Variants in UTS2R observed in about 807,000 individuals in gnomAD.
UTS2R encodes the protein urotensin-2 receptor.
For missense variants in UTS2R, 653 were observed against 562.2 expected, an observed-to-expected ratio of 1.16 and a Z score of -1.63; for synonymous variants, 335 against 280.9, an observed-to-expected ratio of 1.19 and a Z score of -1.93.
rs563073421 is a variant in UTS2R at position 82,377,164 on chromosome 17, C to T, written c.*1670C>T. Among the ~76,000 whole-genome samples, 2,195 of 152,044 alleles carry T rather than the reference C, an allele frequency of 0.014. 50 individuals carry two copies. Among genetic ancestry groups the T allele is most frequent in the African/African-American group, 0.05 (2,076 of 41,388 alleles). On this transcript the variant is annotated 3_prime_UTR_variant, in exon 3 of 3. Transcript: ENST00000313135. ...GGGATCCTGTTGATCTATGACCTTA[C>T]CCCCAACCCTGTGCTCTCTGAAACA...
In UTS2R at chr17:82,374,444, C is replaced by A. The variant is rs377274020; in HGVS notation, c.120C>A (p.Thr40=). ...TCAACAGCTCCTGGGCCAGCCCGAC[C>A]GAGCCCAGCTCCCTGGAGGACCTGG... ...ATLNSSWASP[T]EPSSLEDLVA... is the part of the protein sequence containing the mutation. Residue 40 remains threonine (T), a synonymous_variant, in exon 3 of 3, where the codon ACC becomes ACA. Coordinates refer to ENST00000313135, the MANE Select transcript of UTS2R (RefSeq NM_018949.3). The A allele has an allele frequency of 1.1e-5, 18 of 1,599,454 alleles. No individual in the cohort carries two copies. The highest frequency in any genetic ancestry group is 2.3e-5 in the East Asian group (1 of 44,432).
chr17:82,375,065 G>A lies in UTS2R; in HGVS notation c.741G>A (p.Lys247=), dbSNP rs2052482238. 2.1e-6 allele frequency: 3 copies of A among 1,406,336 alleles called. No homozygotes were observed. The highest frequency in any genetic ancestry group is 2.8e-6 in the Non-Finnish European group (3 of 1,088,762). 87.1% of individuals were successfully genotyped at this position (1,406,336 alleles called of 1,614,324 possible). A position where few individuals can be genotyped will look rare whatever the true frequency, so the allele number is the denominator to read the frequency against. Residue 247 remains lysine (K), a synonymous_variant, in exon 3 of 3, where the codon AAG becomes AAA. Transcript: ENST00000313135. The part of the protein sequence containing the change: ...AYRRSQRASF[K]RARRPGARAL... ...GCCGCTCGCAGCGCGCCTCCTTCAA[G>A]CGGGCCCGGCGGCCGGGGGCGCGCG...
At position 82,375,532 on chromosome 17, in the gene UTS2R, G is replaced by T; in HGVS notation, c.*38G>T. 1 of 825,498 alleles carries T rather than the reference G, an allele frequency of 1.2e-6. No individual in the cohort carries two copies. 51.1% of individuals were successfully genotyped at this position (825,498 alleles called of 1,614,324 possible). ...GCGGCTGGAGTCCAGGCGGGGACGC[G>T]CCCCAAAGCCCCAGCCACTCCCGGG... On this transcript the variant is annotated 3_prime_UTR_variant, in exon 3 of 3. Transcript: ENST00000313135.
Position 82,375,444 on chromosome 17 carries a change from CCAGCGGCCCCG to C in UTS2R, c.1121_1131del (p.Pro374ArgfsTer65), listed in dbSNP as rs1221547349. The stretch of plus-strand genomic sequence containing the variant: ...GCCCACTGACAGCCTCGTGCTGGCC[CCAGCGGCCCCG>C]GCCCGACCTGCGCCCGAGGGTCCCA... On this transcript the variant is annotated frameshift_variant, in exon 3 of 3. Transcript: ENST00000313135. LOFTEE classifies it low-confidence loss of function (END_TRUNC). 4.3e-5 allele frequency: 66 copies of C among 1,552,534 alleles called. No individual in the cohort carries two copies. The highest frequency in any genetic ancestry group is 5.6e-5 in the Non-Finnish European group (65 of 1,158,000).
rs982061716 is a variant in UTS2R, at chr17:82,376,407, C to T, written c.*913C>T. 6.8e-6 allele frequency among the ~76,000 whole-genome samples: 1 copy of T among 146,176 alleles called. No individual in the cohort carries two copies. The highest frequency in any genetic ancestry group is 1.5e-5 in the Non-Finnish European group (1 of 66,318). The stretch of plus-strand genomic sequence containing the variant: ...CAGCCCGGCCCCGGACCCTGCATGG[C>T]CTCCCCCAGCCTGGCCTCCCCTCCC... On this transcript the variant is annotated 3_prime_UTR_variant, in exon 3 of 3. Transcript: ENST00000313135.
chr17:82,374,453 C>G lies in UTS2R; in HGVS notation c.129C>G (p.Ser43Arg). Residue 43 changes from serine to arginine, a missense_variant, in exon 3 of 3, where the codon AGC (serine) becomes AGG (arginine). Transcript: ENST00000313135. ...NSSWASPTEP[S>R]SLEDLVATGT... ...CCTGGGCCAGCCCGACCGAGCCCAG[C>G]TCCCTGGAGGACCTGGTGGCCACGG... 1.2e-6 allele frequency: 2 copies of G among 1,600,048 alleles called. No individual in the cohort carries two copies. The highest frequency in any genetic ancestry group is 1.7e-6 in the Non-Finnish European group (2 of 1,175,684).
At chr17:82,373,570 T>A (rs937264277) in intron 2 of UTS2R, among the ~76,000 whole-genome samples, 2 of 152,244 alleles carry the variant, frequency 1.3e-5, no homozygotes, top group African/African-American at 4.8e-5. Flanking sequence ...ATTGAAAGTA[T>A]TTTTTGTTCA....
chr17:82,375,205 G>C lies in UTS2R; in HGVS notation c.881G>C (p.Arg294Pro). Residue 294 changes from arginine (R) to proline (P), a missense_variant, in exon 3 of 3, where the codon CGC becomes CCC. By Grantham distance (103) the Arg-to-Pro change is moderately radical. Transcript: ENST00000313135. Reference protein sequence around the residue: ...HQAPLAPRTARIVNYLTTCLT... With the variant: ...HQAPLAPRTAPIVNYLTTCLT... ...GCCCCGCTGGCGCCGCGGACGGCGC[G>C]CATCGTCAACTACCTGACCACCTGC... 6 of 1,568,594 alleles carry C rather than the reference G, an allele frequency of 3.8e-6. No homozygotes were observed. Among genetic ancestry groups the C allele is most frequent in the Non-Finnish European group, 4.3e-6 (5 of 1,158,986 alleles).
At chr17:82,373,801 C>T (rs1302085314) in intron 2 of UTS2R, among the ~76,000 whole-genome samples, 1 of 152,172 alleles carries the variant, frequency 6.6e-6, no homozygotes, top group South Asian at 2.1e-4. Flanking sequence ...CTAAAGAAAA[C>T]ATTTTTTTAA....
chr17:82,375,439 T>C lies in UTS2R; in HGVS notation c.1115T>C (p.Leu372Pro), dbSNP rs1278558130. Residue 372 changes from leucine (L) to proline (P), a missense_variant, in exon 3 of 3, where the codon CTG (leucine) becomes CCG (proline). Coordinates refer to ENST00000313135, the MANE Select transcript of UTS2R (RefSeq NM_018949.3). ...CCACAGCCCACTGACAGCCTCGTGCTGGCCCCAGCGGCCCCGGCCCGACCT... is the reference window on the plus strand; with the variant it reads ...CCACAGCCCACTGACAGCCTCGTGCCGGCCCCAGCGGCCCCGGCCCGACCT... Reference protein sequence around the residue: ...CSPQPTDSLVLAPAAPARPAP... With the variant: ...CSPQPTDSLVPAPAAPARPAP... 1 of 1,559,136 alleles carries C rather than the reference T, an allele frequency of 6.4e-7. No individual in the cohort carries two copies. Among genetic ancestry groups the C allele is most frequent in the Non-Finnish European group, 8.6e-7 (1 of 1,161,910 alleles).
At position 82,375,590 on chromosome 17, in the gene UTS2R, C is replaced by G; in HGVS notation, c.*96C>G. 1.9e-6 allele frequency: 1 copy of G among 533,516 alleles called. No homozygotes were observed. Among genetic ancestry groups the G allele is most frequent in the South Asian group, 2.6e-5 (1 of 38,650 alleles). 33.0% of individuals were successfully genotyped at this position (533,516 alleles called of 1,614,324 possible). On this transcript the variant is annotated 3_prime_UTR_variant, in exon 3 of 3. Coordinates refer to ENST00000313135, the MANE Select transcript of UTS2R (RefSeq NM_018949.3). ...CCAACTCCCAAATCACAGGCCCTGC[C>G]CCTCCTCCGTCCCCTTCTGGAAAGA...
In UTS2R at chr17:82,377,401, C is replaced by T. The variant is rs1213396172; in HGVS notation, c.*1907C>T. Among the ~76,000 whole-genome samples, 1 of 150,704 alleles carries T rather than the reference C, an allele frequency of 6.6e-6. No homozygotes were observed. Among genetic ancestry groups the T allele is most frequent in the Non-Finnish European group, 1.5e-5 (1 of 67,706 alleles). On this transcript the variant is annotated 3_prime_UTR_variant, in exon 3 of 3. Coordinates refer to ENST00000313135, the MANE Select transcript of UTS2R (RefSeq NM_018949.3). ...CTTGTTTATCTGCTGACCTTCCCTC[C>T]ACTATTGTCCTATGACCCTGCCAAA... is the stretch of plus-strand genomic sequence containing the variant.
rs2052489680 is a variant in UTS2R, at chr17:82,375,490, C to T, written c.1166C>T (p.Ala389Val). The change falls in exon 3 of 3, where the codon GCG becomes GTG. Residue 389 changes from alanine to valine, a missense_variant. By Grantham distance (64) the Ala-to-Val change is moderately conservative. Transcript: ENST00000313135. ...RPAPEGPRAP[A>V] ...GCGCCCGAGGGTCCCAGGGCCCCGG[C>T]GTGAGCACGCGGAGGGGCGGCTGGA... The T allele has an allele frequency of 1.5e-6, 2 of 1,314,666 alleles. No homozygotes were observed. The highest frequency in any genetic ancestry group is 1.5e-5 in the African/African-American group (1 of 64,568). The allele number at this position is 1,314,666 out of a possible 1,614,324, so 81.4% of individuals were successfully genotyped here. A position where few individuals can be genotyped will look rare whatever the true frequency, so the allele number is the denominator to read the frequency against.
At chr17:82,374,152 T>C (rs1402154756) in intron 2 of UTS2R, 91 bp from the exon 3 acceptor site, 7 of 605,024 alleles carry the variant, frequency 1.2e-5, no homozygotes, top group Non-Finnish European at 1.4e-5. Context: ...TGGAGGGCAC[T>C]GGGGAGCCCA....
In UTS2R at chr17:82,372,602, C is replaced by A. The variant is rs942034822; in HGVS notation, c.-264C>A. On this transcript the variant is annotated 5_prime_UTR_variant, in exon 2 of 3. Coordinates refer to ENST00000313135, the MANE Select transcript of UTS2R (RefSeq NM_018949.3). ...TCCTGTGTCTTGTTTCTTCAGCCCACCACCGCGCTGTTTCATCCAGGCTGC... is the reference window on the plus strand; with the variant it reads ...TCCTGTGTCTTGTTTCTTCAGCCCAACACCGCGCTGTTTCATCCAGGCTGC... Among the ~76,000 whole-genome samples the A allele has an allele frequency of 3.3e-5, 5 of 152,246 alleles. No individual in the cohort carries two copies. Among genetic ancestry groups the A allele is most frequent in the African/African-American group, 1.2e-4 (5 of 41,474 alleles).
chr17:82,374,534 C>G lies in UTS2R; in HGVS notation c.210C>G (p.Ala70=). 1 of 1,583,490 alleles carries G rather than the reference C, an allele frequency of 6.3e-7. No homozygotes were observed. The highest frequency in any genetic ancestry group is 8.6e-7 in the Non-Finnish European group (1 of 1,165,622). ...GCGTGGTGGGCGTGGTGGGCAACGCCTACACGCTGGTGGTCACCTGCCGCT... is the reference window on the plus strand; with the variant it reads ...GCGTGGTGGGCGTGGTGGGCAACGCGTACACGCTGGTGGTCACCTGCCGCT... ...AMGVVGVVGN[A]YTLVVTCRSL... Residue 70 remains alanine (A), a synonymous_variant, in exon 3 of 3, where the codon GCC becomes GCG. Transcript: ENST00000313135.
chr17:82,375,432 C>G lies in UTS2R; in HGVS notation c.1108C>G (p.Leu370Val), dbSNP rs1317866288. Reference protein sequence around the residue: ...SSCSPQPTDSLVLAPAAPARP... With the variant: ...SSCSPQPTDSVVLAPAAPARP... ...CTGCAGCCCACAGCCCACTGACAGC[C>G]TCGTGCTGGCCCCAGCGGCCCCGGC... is the stretch of plus-strand genomic sequence containing the variant. Residue 370 changes from leucine (L) to valine (V), a missense_variant, in exon 3 of 3, where the codon CTC (leucine) becomes GTC (valine). By Grantham distance (32) the Leu-to-Val change is conservative. Coordinates refer to ENST00000313135, the MANE Select transcript of UTS2R (RefSeq NM_018949.3). 3.2e-6 allele frequency: 5 copies of G among 1,566,190 alleles called. No individual in the cohort carries two copies. Among genetic ancestry groups the G allele is most frequent in the East Asian group, 2.4e-5 (1 of 40,944 alleles).
chr17:82,374,889 C>G lies in UTS2R; in HGVS notation c.565C>G (p.Arg189Gly). The stretch of plus-strand genomic sequence containing the variant: ...GACGCTGCCCGTGATGCTGGCCATG[C>G]GGCTGGTGCGCCGGGGTCCCAAGAG... Reference protein sequence around the residue: ...LLTLPVMLAMRLVRRGPKSLC... With the variant: ...LLTLPVMLAMGLVRRGPKSLC... Residue 189 changes from arginine to glycine, a missense_variant, in exon 3 of 3, where the codon CGG becomes GGG. Arg to Gly is a moderately radical substitution (Grantham distance 125). Coordinates refer to ENST00000313135, the MANE Select transcript of UTS2R (RefSeq NM_018949.3). 8.0e-7 allele frequency: 1 copy of G among 1,247,842 alleles called. No homozygotes were observed. 77.3% of individuals were successfully genotyped at this position (1,247,842 alleles called of 1,614,324 possible).
chr17:82,375,971 C>G lies in UTS2R; in HGVS notation c.*477C>G, dbSNP rs990191247. ...GGATCGGCCGGCAGGATCCCCAGGA[C>G]GACAACGGCAGCTCAAGGGGGAGCC... On this transcript the variant is annotated 3_prime_UTR_variant, in exon 3 of 3. Coordinates refer to ENST00000313135, the MANE Select transcript of UTS2R (RefSeq NM_018949.3). 1.3e-5 allele frequency among the ~76,000 whole-genome samples: 2 copies of G among 152,216 alleles called. No individual in the cohort carries two copies. Among genetic ancestry groups the G allele is most frequent in the African/African-American group, 2.4e-5 (1 of 41,456 alleles).
Sources: allele counts gnomAD v4.1 joint callset (sites outside exome capture counted in the v4.1 genomes callset), GRCh38; gene constraint gnomAD v4.1.1; transcripts MANE v1.5; gene names NCBI Gene and HGNC (gene_info 2026-07-23, HGNC 2026-07-21).